The following FREM1 variants were observed in gnomAD, a reference collection of about 807,000 sequenced individuals.
The protein encoded by FREM1 is FRAS1-related extracellular matrix protein 1.
Under a neutral mutation model 210.1 loss-of-function variants are expected in FREM1, and 220 were observed. That is an observed-to-expected ratio of 1.05 (90% confidence interval 0.94 to 1.17). FREM1 has a LOEUF of 1.17. Among genes scored for constraint, FREM1 ranks in the 50% most tolerant of loss-of-function variants. The pLI is 0.00. For missense variants in FREM1, 3,454 were observed against 2,675.5 expected, an observed-to-expected ratio of 1.29 and a Z score of -6.42; for synonymous variants, 1,189 against 980.2, an observed-to-expected ratio of 1.21 and a Z score of -3.98.
At chr9:14,845,025 T>C (rs887510172) in intron 8 of FREM1, among the ~76,000 whole-genome samples, 20 of 152,236 alleles carry the variant, frequency 1.3e-4, no homozygotes, top group Admixed American at 4.6e-4. Flanking sequence ...TATTATTTTG[T>C]TTTTGATTCC....
At chr9:14,848,196 C>A (rs963591464) in intron 7 of FREM1, among the ~76,000 whole-genome samples, 2 of 152,190 alleles carry the variant, frequency 1.3e-5, no homozygotes, top group Non-Finnish European at 2.9e-5. Context: ...CATAAGTCCA[C>A]TCAGAATTGA....
At position 14,832,120 on chromosome 9, in the gene FREM1, T is replaced by A. The variant is rs148670103; in HGVS notation, c.1882-7128A>T. On this transcript the variant is annotated intron_variant, in intron 10 of 36. Coordinates refer to ENST00000380880, the MANE Select transcript of FREM1 (RefSeq NM_001379081.2). ...CGACCTTGAAACTTTGAAGAAAAAG[T>A]GGTTTATTTTCTTTTGCAGCCATAT... 3.1e-3 allele frequency among the ~76,000 whole-genome samples: 468 copies of A among 152,304 alleles called. 3 individuals carry two copies. The highest frequency in any genetic ancestry group is 0.01 in the African/African-American group (436 of 41,564).
intron 8 of FREM1, 38 bp downstream of exon 8, chr9:14,845,922 T>C (rs1826519376): frequency 6.2e-7 from 1 of 1,608,620 alleles, no homozygotes; most frequent in Middle Eastern, 1.7e-4. Flanking sequence ...GAAAATACTT[T>C]TGGATTCTTT....
rs73644859 is a variant in FREM1, at chr9:14,814,105, C to T, written c.2641-1041G>A. Among the ~76,000 whole-genome samples the T allele has an allele frequency of 3.0e-3, 462 of 152,228 alleles. 6 individuals carry two copies. Among genetic ancestry groups the T allele is most frequent in the African/African-American group, 0.011 (438 of 41,534 alleles). ...GTCTCTTCCCCCTGGGAATTCTGTC[C>T]CCAACTCTTTGCTTGGTTAACTCCT... On this transcript the variant is annotated intron_variant, in intron 15 of 36. Coordinates refer to ENST00000380880, the MANE Select transcript of FREM1 (RefSeq NM_001379081.2).
chr9:14,738,377 A>T (rs1304920595), intron 36 of FREM1, among the ~76,000 whole-genome samples: 1 of 152,098 alleles, frequency 6.6e-6, no homozygotes, highest in Non-Finnish European at 1.5e-5. Flanking sequence ...ACCTTCCCCA[A>T]CTGTTTTTCA....
chr9:14,848,451 C>T (rs1184335104), intron 7 of FREM1, among the ~76,000 whole-genome samples: 1 of 152,100 alleles, frequency 6.6e-6, no homozygotes, highest in Non-Finnish European at 1.5e-5. Context: ...AGAACTTGGC[C>T]TCAGGACGCA....
At chr9:14,888,505 C>G (rs965639717) in intron 1 of FREM1, among the ~76,000 whole-genome samples, 2 of 152,138 alleles carry the variant, frequency 1.3e-5, no homozygotes, top group Admixed American at 6.6e-5. Flanking sequence ...ACAATGTTCT[C>G]TAAAGGAAGT....
chr9:14,889,744 G>C (rs1836456036), intron 1 of FREM1, among the ~76,000 whole-genome samples: 1 of 152,196 alleles, frequency 6.6e-6, no homozygotes, highest in Non-Finnish European at 1.5e-5. Context: ...TTCCTTCTAT[G>C]CTCTTAGGTT....
intron 5 of FREM1, among the ~76,000 whole-genome samples, chr9:14,854,345 T>C (rs1828326687): frequency 6.6e-6 from 1 of 152,076 alleles, no homozygotes; most frequent in South Asian, 2.1e-4. Flanking sequence ...TCAAGACAAA[T>C]AGTCTGAAAT....
intron 16 of FREM1, 144 bp downstream of exon 16, chr9:14,812,668 G>C: frequency 1.3e-6 from 1 of 780,308 alleles, no homozygotes; most frequent in Non-Finnish European, 2.0e-6. Context: ...TGATCATGCT[G>C]GAAAAATGGA....
At chr9:14,752,935 G>T (rs1843650669) in intron 29 of FREM1, among the ~76,000 whole-genome samples, 1 of 152,172 alleles carries the variant, frequency 6.6e-6, no homozygotes. Context: ...TTAGGGGTTG[G>T]AGAAAATATC....
chr9:14,903,345 A>T (rs1474276682), intron 1 of FREM1, among the ~76,000 whole-genome samples: 1 of 152,246 alleles, frequency 6.6e-6, no homozygotes, highest in African/African-American at 2.4e-5. Context: ...TGAGGAAAGC[A>T]AAAGGCATGT....
At position 14,775,972 on chromosome 9, in the gene FREM1, C is replaced by G. The variant is rs544436286; in HGVS notation, c.4674G>C (p.Trp1558Cys). The part of the protein sequence containing the change: ...QLPQHGQLYL[W>C]GTGLLQHNFT... ...AATTGTGTTGAAGTAGCCCTGTCCCCCACAGGTAGAGCTGGCCATGCTGGG... is the reference window on the plus strand; with the variant it reads ...AATTGTGTTGAAGTAGCCCTGTCCCGCACAGGTAGAGCTGGCCATGCTGGG... The change falls in exon 25 of 37, where the codon TGG becomes TGC. Residue 1558 changes from tryptophan (W) to cysteine (C), a missense_variant. Coordinates refer to ENST00000380880, the MANE Select transcript of FREM1 (RefSeq NM_001379081.2). The G allele has an allele frequency of 2.5e-6, 4 of 1,614,010 alleles. No individual in the cohort carries two copies. In the South Asian group the frequency reaches 4.4e-5, roughly 18 times the overall value.
Position 14,860,800 on chromosome 9 carries a change from C to T in FREM1, c.330-1316G>A, listed in dbSNP as rs375952742. Among the ~76,000 whole-genome samples the T allele has an allele frequency of 4.5e-4, 35 of 77,130 alleles. 2 individuals are homozygous for T. Among genetic ancestry groups the T allele is most frequent in the African/African-American group, 1.5e-3 (29 of 18,820 alleles). The allele number at this position is 77,130 out of a possible 152,430, so 50.6% of individuals were successfully genotyped here. On this transcript the variant is annotated intron_variant, in intron 3 of 36. Coordinates refer to ENST00000380880, the MANE Select transcript of FREM1 (RefSeq NM_001379081.2). Reference sequence around the variant, plus strand: ...ATATATACATATATACATATATACACATATATACATATATACACATATATA... The same window carrying T: ...ATATATACATATATACATATATACATATATATACATATATACACATATATA...
intron 24 of FREM1, among the ~76,000 whole-genome samples, chr9:14,783,431 T>C (rs146512841): frequency 1.3e-5 from 2 of 152,332 alleles, no homozygotes; most frequent in African/African-American, 4.8e-5. Context: ...TGGTGAAAAT[T>C]GCACCAGGAA....
intron 24 of FREM1, among the ~76,000 whole-genome samples, chr9:14,778,190 A>C (rs899046121): frequency 6.6e-6 from 1 of 152,132 alleles, no homozygotes; most frequent in South Asian, 2.1e-4. Context: ...AAATCACATA[A>C]TTTTCTCAAA....
In FREM1 at chr9:14,748,470, G is replaced by A; in HGVS notation, c.5727C>T (p.Asp1909=). ...SSMQLAVIRG[D]TLRGFDSTDL... is the part of the protein sequence containing the mutation. ...CTGTAGAATCAAAGCCCCGCAGGGT[G>A]TCTCCCCTGATGACTGCTAGCTGCA... The change falls in exon 31 of 37, where the codon GAC becomes GAT. Residue 1909 remains aspartate (D), a synonymous_variant. Transcript: ENST00000380880. 6.2e-7 allele frequency: 1 copy of A among 1,613,706 alleles called. No individual in the cohort carries two copies. Among genetic ancestry groups the A allele is most frequent in the Non-Finnish European group, 8.5e-7 (1 of 1,179,718 alleles).
At chr9:14,860,652 T>TAC (rs1235045385) in intron 3 of FREM1, among the ~76,000 whole-genome samples, 3 of 141,534 alleles carry the variant, frequency 2.1e-5, no homozygotes, top group African/African-American at 8.1e-5. Flanking sequence ...TATACATATA[T>TAC]ACACATATAT....
chr9:14,746,953 G>T lies in FREM1; in HGVS notation c.6108C>A (p.Ile2036=), dbSNP rs768628308. The change falls in exon 34 of 37, where the codon ATC becomes ATA. Residue 2036 remains isoleucine, a synonymous_variant. Transcript: ENST00000380880. ...TTTGGGGACTCCAGGCTTTCCAGGC[G>T]ATCCCATTGCACTGATACAGCTTCT... ...GIQKLYQCNG[I]AWKAWSPQTK... 6.2e-7 allele frequency: 1 copy of T among 1,613,254 alleles called. No individual in the cohort carries two copies. Among genetic ancestry groups the T allele is most frequent in the South Asian group, 1.1e-5 (1 of 90,922 alleles).
Sources: allele counts gnomAD v4.1 joint callset (sites outside exome capture counted in the v4.1 genomes callset), GRCh38; gene constraint gnomAD v4.1.1; transcripts MANE v1.5; gene names NCBI Gene and HGNC (gene_info 2026-07-23, HGNC 2026-07-21).